ZRANB3: variants seen among roughly 807,000 people sequenced by gnomAD.
The protein encoded by ZRANB3 is zinc finger RANBP2-type containing 3.
A neutral mutation model predicts 133.8 loss-of-function variants in ZRANB3; 125 were observed. That is an observed-to-expected ratio of 0.93 (90% CI 0.81 to 1.08). The LOEUF (loss-of-function observed/expected upper bound fraction) is 1.08. ZRANB3 is among the 50% of genes least tolerant of loss of function. ZRANB3 has a pLI of 0.00. For missense variants in ZRANB3, 1,229 were observed against 1,275.5 expected (o/e 0.96, Z 0.56); for synonymous variants, 387 against 432.7 (o/e 0.89, Z 1.31).
rs370833916 is a variant in ZRANB3 at position 135,381,359 on chromosome 2, G to A, written c.180+9443C>T. On this transcript the variant is annotated intron_variant, in intron 3 of 20. Transcript: ENST00000264159. The stretch of plus-strand genomic sequence containing the variant: ...GGTAAACAAAGCGGCCTGGAAGCTC[G>A]AACAGGGCGGAGCCCACGGCAGTTC... 1.6e-4 allele frequency among the ~76,000 whole-genome samples: 25 copies of A among 152,304 alleles called. No homozygotes were observed. The South Asian group carries it at 5.2e-3, about 32-fold the overall frequency.
chr2:135,496,341 A>G (rs545842610), intron 2 of ZRANB3, among the ~76,000 whole-genome samples: 15 of 146,988 alleles, frequency 1.0e-4, no homozygotes, highest in African/African-American at 3.5e-4. Flanking sequence ...CCAAGATGGC[A>G]CCACTGTACT....
At chr2:135,432,369 G>A (rs1689360858) in intron 2 of ZRANB3, among the ~76,000 whole-genome samples, 1 of 152,130 alleles carries the variant, frequency 6.6e-6, no homozygotes, top group African/African-American at 2.4e-5. Flanking sequence ...AACATTACAT[G>A]AAAATGGGAA....
At chr2:135,490,748 G>C (rs1258590405) in intron 2 of ZRANB3, among the ~76,000 whole-genome samples, 1 of 152,088 alleles carries the variant, frequency 6.6e-6, no homozygotes, top group Admixed American at 6.6e-5. Flanking sequence ...ATGCCCACGA[G>C]TAGATAAATG....
At chr2:135,275,079 C>T (rs1680727282) in intron 9 of ZRANB3, among the ~76,000 whole-genome samples, 1 of 152,230 alleles carries the variant, frequency 6.6e-6, no homozygotes, top group Non-Finnish European at 1.5e-5. Flanking sequence ...CACATTTCCC[C>T]CTTTTCTATT....
intron 2 of ZRANB3, among the ~76,000 whole-genome samples, chr2:135,495,745 G>GTTGT: frequency 6.6e-6 from 1 of 152,226 alleles, no homozygotes; most frequent in East Asian, 1.9e-4. Context: ...GGAGGATGGG[G>GTTGT]TTGTTTAGAA....
chr2:135,322,738 C>T (rs1683590350), intron 6 of ZRANB3, among the ~76,000 whole-genome samples: 1 of 151,918 alleles, frequency 6.6e-6, no homozygotes, highest in African/African-American at 2.4e-5. Flanking sequence ...TTTTGTTGAC[C>T]AGGCGCAGTG....
intron 8 of ZRANB3, among the ~76,000 whole-genome samples, chr2:135,297,145 C>T (rs1682164862): frequency 6.6e-6 from 1 of 152,210 alleles, no homozygotes; most frequent in African/African-American, 2.4e-5. Flanking sequence ...TTACTGCTGC[C>T]TTTTGTTTGT....
At chr2:135,328,817 T>C (rs760923360) in intron 6 of ZRANB3, among the ~76,000 whole-genome samples, 3 of 152,240 alleles carry the variant, frequency 2.0e-5, no homozygotes, top group Admixed American at 6.5e-5. Flanking sequence ...TGAGCAGTGA[T>C]GATGAGCATT....
In ZRANB3 at chr2:135,265,760, T is replaced by C. The variant is rs1680210241; in HGVS notation, c.1387-74A>G. 16 of 1,456,128 alleles carry C rather than the reference T, an allele frequency of 1.1e-5. No individual in the cohort carries two copies. In the South Asian group the frequency reaches 2.3e-4, roughly 21 times the overall value. 90.2% of individuals were successfully genotyped at this position (1,456,128 alleles called of 1,614,324 possible). Reference sequence around the variant, plus strand: ...TGAAATTCACTAAGTAACTTGATTTTGCATTTAAATCATAAGCTACCCACT... The same window carrying C: ...TGAAATTCACTAAGTAACTTGATTTCGCATTTAAATCATAAGCTACCCACT... On this transcript the variant is annotated intron_variant, in intron 11 of 20. Transcript: ENST00000264159.
chr2:135,221,148 T>A (rs1298715747), intron 15 of ZRANB3, among the ~76,000 whole-genome samples: 1 of 152,172 alleles, frequency 6.6e-6, no homozygotes, highest in Non-Finnish European at 1.5e-5. Flanking sequence ...TGAGCCACTG[T>A]GCCCAGCCTT....
chr2:135,253,337 C>A (rs1188412643), intron 12 of ZRANB3, among the ~76,000 whole-genome samples: 1 of 152,022 alleles, frequency 6.6e-6, no homozygotes, highest in Non-Finnish European at 1.5e-5. Flanking sequence ...TGTGACCCAA[C>A]CAAGTTCTCA....
intron 5 of ZRANB3, 88 bp from the exon 6 acceptor site, chr2:135,345,723 GA>G: frequency 1.1e-6 from 1 of 951,954 alleles, no homozygotes; most frequent in East Asian, 2.7e-5. Flanking sequence ...AAAATAGTAG[GA>G]AGTATAAAAG....
chr2:135,210,410 T>C (rs1168646655), intron 17 of ZRANB3, among the ~76,000 whole-genome samples: 1 of 152,068 alleles, frequency 6.6e-6, no homozygotes, highest in Non-Finnish European at 1.5e-5. Flanking sequence ...TCTCAGCTCA[T>C]TGCAACCTCC....
intron 15 of ZRANB3, among the ~76,000 whole-genome samples, chr2:135,219,885 T>G (rs1489165694): frequency 6.6e-6 from 1 of 152,030 alleles, no homozygotes; most frequent in Non-Finnish European, 1.5e-5. Flanking sequence ...TTTCCCTTTT[T>G]TTTTGAGACA....
At chr2:135,346,862 G>C (rs1319419529) in intron 5 of ZRANB3, among the ~76,000 whole-genome samples, 2 of 152,092 alleles carry the variant, frequency 1.3e-5, no homozygotes, top group Non-Finnish European at 2.9e-5. Context: ...GATTCACATA[G>C]TTGTGCATCA....
At chr2:135,208,743 T>C in intron 18 of ZRANB3, 125 bp downstream of exon 18, 1 of 734,194 alleles carries the variant, frequency 1.4e-6, no homozygotes, top group Non-Finnish European at 2.2e-6. Context: ...AGCTACTATC[T>C]TGTGAAAGTT....
chr2:135,310,330 C>G (rs904920972), intron 8 of ZRANB3, among the ~76,000 whole-genome samples: 5 of 152,150 alleles, frequency 3.3e-5, no homozygotes, highest in African/African-American at 7.2e-5. Context: ...AGAAACAGAC[C>G]TACACATACA....
chr2:135,486,919 A>C (rs1692149786), intron 2 of ZRANB3, among the ~76,000 whole-genome samples: 1 of 152,214 alleles, frequency 6.6e-6, no homozygotes, highest in African/African-American at 2.4e-5. Context: ...ATGAATCATG[A>C]ATGTCCTTAA....
Position 135,364,780 on chromosome 2 carries a change from G to C in ZRANB3, c.181-11152C>G, listed in dbSNP as rs1331397687. Among the ~76,000 whole-genome samples, 3 of 152,068 alleles carry C rather than the reference G, an allele frequency of 2.0e-5. No individual in the cohort carries two copies. In the South Asian group the frequency reaches 6.2e-4, roughly 32 times the overall value. On this transcript the variant is annotated intron_variant, in intron 3 of 20. Coordinates refer to ENST00000264159, the MANE Select transcript of ZRANB3 (RefSeq NM_032143.4). ...AAAAAAATAAATAAGGCCAGGCACGGTGGCTAACGCCTGTAATCCCATCAC... is the reference window on the plus strand; with the variant it reads ...AAAAAAATAAATAAGGCCAGGCACGCTGGCTAACGCCTGTAATCCCATCAC...
Sources: gnomAD v4.1 joint callset for allele counts (sites outside exome capture counted in the v4.1 genomes callset) on GRCh38, gnomAD v4.1.1 for gene constraint, MANE v1.5 for transcripts, NCBI Gene and HGNC (gene_info 2026-07-23, HGNC 2026-07-21) for gene names.